DOCK1: variants seen among roughly 807,000 people sequenced by gnomAD.
DOCK1 encodes the protein dedicator of cytokinesis protein 1.
Under a neutral mutation model 262.7 loss-of-function variants are expected in DOCK1, and 138 were observed. That is an observed-to-expected ratio of 0.53 (90% CI 0.46 to 0.61). DOCK1 has a LOEUF of 0.61. Among genes scored for constraint, DOCK1 ranks in the 20% least tolerant of loss-of-function variants. The pLI is 0.00. For synonymous variants in DOCK1, 866 were observed against 867.4 expected (o/e 1.00, Z 0.03); for missense variants, 1,908 against 2,370.7 (o/e 0.80, Z 4.05).
intron 1 of DOCK1, among the ~76,000 whole-genome samples, chr10:126,961,676 G>A (rs1357166669): frequency 2.6e-5 from 4 of 152,208 alleles, no homozygotes; most frequent in African/African-American, 9.6e-5. Context: ...GTGTCAACAT[G>A]TCCTTTCTTT....
intron 27 of DOCK1, among the ~76,000 whole-genome samples, chr10:127,140,733 G>A (rs2051159753): frequency 6.7e-6 from 1 of 149,586 alleles, no homozygotes. Context: ...TAACGGTCTG[G>A]CCAACTCTGG....
At chr10:127,146,807 G>A (rs1367243900) in intron 27 of DOCK1, among the ~76,000 whole-genome samples, 3 of 152,220 alleles carry the variant, frequency 2.0e-5, no homozygotes, top group Admixed American at 6.5e-5. Flanking sequence ...TCCACTCCAA[G>A]TGGGCTCCGG....
rs1053993304 is a variant in DOCK1, at chr10:127,451,544, C to A, written c.*117C>A. ...GGGCCTGTGATGTTAACATTTCGTG[C>A]GACTGCTTTTTCTTCAAAGGAGTTC... On this transcript the variant is annotated 3_prime_UTR_variant, in exon 52 of 52. Coordinates refer to ENST00000623213, the MANE Select transcript of DOCK1 (RefSeq NM_001290223.2). The A allele has an allele frequency of 1.3e-6, 2 of 1,518,660 alleles. No individual in the cohort carries two copies. Among genetic ancestry groups the A allele is most frequent in the South Asian group, 1.2e-5 (1 of 82,340 alleles). 94.1% of individuals were successfully genotyped at this position (1,518,660 alleles called of 1,614,324 possible).
intron 23 of DOCK1, among the ~76,000 whole-genome samples, chr10:127,098,851 T>C (rs1440441977): frequency 6.6e-6 from 1 of 152,152 alleles, no homozygotes; most frequent in Non-Finnish European, 1.5e-5. Context: ...GCAGGAGCTG[T>C]TTCCACTCGA....
At chr10:127,125,756 A>G (rs1564821405) in intron 26 of DOCK1, among the ~76,000 whole-genome samples, 155 bp downstream of exon 26, 1 of 152,026 alleles carries the variant, frequency 6.6e-6, no homozygotes, top group Non-Finnish European at 1.5e-5. Flanking sequence ...AATTATTTTT[A>G]TTTATGTATA....
chr10:127,332,278 A>G lies in DOCK1; in HGVS notation c.3045-6728A>G, dbSNP rs188559559. 1.6e-4 allele frequency among the ~76,000 whole-genome samples: 24 copies of G among 152,356 alleles called. No homozygotes were observed. In the East Asian group the frequency reaches 4.2e-3, roughly 27 times the overall value. On this transcript the variant is annotated intron_variant, in intron 29 of 51. Coordinates refer to ENST00000623213, the MANE Select transcript of DOCK1 (RefSeq NM_001290223.2). ...GGCATCACAGCCCAAGCCTGTGTCC[A>G]GCAGGGCTGACCAGAAGAAAGGTCT...
At chr10:126,955,836 G>A (rs2036691517) in intron 1 of DOCK1, among the ~76,000 whole-genome samples, 1 of 152,132 alleles carries the variant, frequency 6.6e-6, no homozygotes. Flanking sequence ...CTCTAGGGAA[G>A]GAAAATTTAT....
chr10:126,954,076 G>A (rs2036543968), intron 1 of DOCK1, among the ~76,000 whole-genome samples: 2 of 152,334 alleles, frequency 1.3e-5, no homozygotes, highest in African/African-American at 4.8e-5. Context: ...ACCTCTGTAA[G>A]CAAGCAAACA....
intron 1 of DOCK1, among the ~76,000 whole-genome samples, chr10:126,945,589 C>T (rs2035337838): frequency 6.6e-6 from 1 of 152,140 alleles, no homozygotes; most frequent in Non-Finnish European, 1.5e-5. Context: ...GTCACTAGGT[C>T]CAGCCCATAC....
chr10:127,275,570 G>A (rs2060712097), intron 29 of DOCK1, among the ~76,000 whole-genome samples: 1 of 152,114 alleles, frequency 6.6e-6, no homozygotes, highest in South Asian at 2.1e-4. Context: ...AGGGCATGTT[G>A]GGAACACTGG....
chr10:126,948,733 C>T (rs1273319365), intron 1 of DOCK1, among the ~76,000 whole-genome samples: 6 of 152,018 alleles, frequency 3.9e-5, no homozygotes, highest in Admixed American at 3.3e-4. Context: ...GTGCAGCTGC[C>T]ATCCAGCCTG....
intron 23 of DOCK1, among the ~76,000 whole-genome samples, chr10:127,090,482 A>ATAAT (rs1310776050): frequency 1.3e-5 from 2 of 151,834 alleles, no homozygotes; most frequent in East Asian, 3.9e-4. Flanking sequence ...TTTCCTGTTA[A>ATAAT]TAATTTATTT....
chr10:127,118,359 A>T (rs1447868188), intron 25 of DOCK1, among the ~76,000 whole-genome samples: 1 of 151,822 alleles, frequency 6.6e-6, no homozygotes, highest in Non-Finnish European at 1.5e-5. Flanking sequence ...GATAAATGGG[A>T]CTCATTTGCA....
intron 38 of DOCK1, among the ~76,000 whole-genome samples, chr10:127,397,654 A>G (rs1453142895): frequency 4.6e-5 from 7 of 150,968 alleles, no homozygotes; most frequent in South Asian, 2.1e-4. Flanking sequence ...AGCGACTCCT[A>G]TGTGATCTCA....
At chr10:127,172,837 G>T (rs1199613181) in intron 27 of DOCK1, among the ~76,000 whole-genome samples, 1 of 152,136 alleles carries the variant, frequency 6.6e-6, no homozygotes, top group Non-Finnish European at 1.5e-5. Context: ...CATGTTCTGG[G>T]ATACCGGAGT....
intron 35 of DOCK1, among the ~76,000 whole-genome samples, chr10:127,374,803 G>C (rs531772534): frequency 6.6e-6 from 1 of 152,198 alleles, no homozygotes; most frequent in East Asian, 1.9e-4. Flanking sequence ...GAGGGACCCA[G>C]TCTCAAGCCA....
At chr10:127,426,335 C>G (rs182113997) in intron 47 of DOCK1, among the ~76,000 whole-genome samples, 3 of 152,310 alleles carry the variant, frequency 2.0e-5, no homozygotes, top group Admixed American at 2.0e-4. Context: ...GGCAACTCAG[C>G]TGGTTGACAG....
In DOCK1 at chr10:127,419,681, C is replaced by T. The variant is rs748922919; in HGVS notation, c.4708C>T (p.Arg1570Trp). 19 of 1,604,832 alleles carry T rather than the reference C, an allele frequency of 1.2e-5. No individual in the cohort carries two copies. The highest frequency in any genetic ancestry group is 3.4e-5 in the Admixed American group (2 of 59,142). ...TCTCCACCAGGCCTTCTTTACAGAC[C>T]GGTACCTGCAGGAGCACCCTGAGGC... ...ANYEKAFFTD[R>W]YLQEHPEAHE... Residue 1570 changes from arginine to tryptophan, a missense_variant, in exon 46 of 52, where the codon CGG becomes TGG. Physicochemically the swap from Arg to Trp is moderately radical, Grantham distance 101 (BLOSUM62 -3). Around this residue, in one of 9 missense-constraint regions of DOCK1, gnomAD observed 383 missense variants for 420.1 expected, o/e 0.91. Coordinates refer to ENST00000623213, the MANE Select transcript of DOCK1 (RefSeq NM_001290223.2).
chr10:127,220,295 A>G (rs1466608473), intron 27 of DOCK1, among the ~76,000 whole-genome samples: 3 of 152,034 alleles, frequency 2.0e-5, no homozygotes, highest in African/African-American at 7.2e-5. Context: ...CTGAGGATAC[A>G]GGAGAATGAA....
Sources: allele counts gnomAD v4.1 joint callset (sites outside exome capture counted in the v4.1 genomes callset), GRCh38; gene constraint gnomAD v4.1.1; regional missense constraint gnomAD v4.1.1; transcripts MANE v1.5; gene names NCBI Gene and HGNC (gene_info 2026-07-23, HGNC 2026-07-21).